Variants in SERINC5 observed in about 807,000 individuals in gnomAD.
SERINC5 encodes serine incorporator 5.
Under a neutral mutation model 63.1 loss-of-function variants are expected in SERINC5, and 41 were observed. The ratio of observed to expected loss-of-function variants is 0.65; its 90% CI spans 0.51 to 0.84. The LOEUF (loss-of-function observed/expected upper bound fraction) is 0.84. SERINC5 is among the 40% of genes least tolerant of loss of function. The pLI is 0.00. For missense variants in SERINC5, 523 were observed against 573.0 expected (o/e 0.91, Z 0.89); for synonymous variants, 222 against 215.2 (o/e 1.03, Z -0.28).
intron 2 of SERINC5, among the ~76,000 whole-genome samples, chr5:80,188,610 GC>G (rs1158149880): frequency 6.6e-6 from 1 of 152,074 alleles, no homozygotes; most frequent in Non-Finnish European, 1.5e-5. Flanking sequence ...TCTAGGCTGG[GC>G]CCAGTGGCCC....
chr5:80,220,233 G>A (rs77778907), intron 1 of SERINC5, among the ~76,000 whole-genome samples: 866 of 23,072 alleles, frequency 0.038, 8 homozygotes, highest in African/African-American at 0.1. Context: ...AAAAAAAAAA[G>A]AGAGAGAGAG....
At chr5:80,184,350 T>G (rs935142547) in intron 2 of SERINC5, among the ~76,000 whole-genome samples, 3 of 152,254 alleles carry the variant, frequency 2.0e-5, no homozygotes, top group South Asian at 2.1e-4. Flanking sequence ...TCTTTCACCT[T>G]TAGACCTTCT....
At chr5:80,118,210 AAAT>A (rs548785871) in intron 11 of SERINC5, among the ~76,000 whole-genome samples, 184 of 152,056 alleles carry the variant, frequency 1.2e-3, no homozygotes, top group African/African-American at 2.9e-3. Context: ...CTCAAAAAAA[AAAT>A]AATAATAATA....
intron 7 of SERINC5, among the ~76,000 whole-genome samples, chr5:80,163,104 C>T (rs891149435): frequency 6.6e-6 from 1 of 152,072 alleles, no homozygotes; most frequent in Non-Finnish European, 1.5e-5. Context: ...ATCCACCCAC[C>T]CTGCCCTCCC....
intron 11 of SERINC5, 102 bp from the exon 12 acceptor site, chr5:80,143,912 T>C: frequency 2.3e-6 from 3 of 1,329,500 alleles, no homozygotes; most frequent in East Asian, 5.0e-5. Context: ...CGGCTTTCAA[T>C]GTATTCATAC....
rs539945702 is a variant in SERINC5, at chr5:80,122,277, C to T, written c.1239-8652G>A. On this transcript the variant is annotated intron_variant, in intron 11 of 12. Coordinates refer to the SERINC5 transcript ENST00000509193. ...GTCCCACAATAGGCCATCTGCAGGC[C>T]GATCTGATGTCCAATGTTTGAGGGC... Among the ~76,000 whole-genome samples the T allele has an allele frequency of 1.3e-3, 200 of 151,004 alleles. 2 individuals carry two copies. The highest frequency in any genetic ancestry group is 1.8e-3 in the Non-Finnish European group (124 of 67,898).
At chr5:80,228,557 A>C (rs999392688) in intron 1 of SERINC5, among the ~76,000 whole-genome samples, 4 of 152,012 alleles carry the variant, frequency 2.6e-5, no homozygotes, top group African/African-American at 9.7e-5. Context: ...CTTGCCTCAA[A>C]TGATCCTCCT....
At chr5:80,164,493 C>A (rs981794433) in intron 7 of SERINC5, among the ~76,000 whole-genome samples, 1 of 152,026 alleles carries the variant, frequency 6.6e-6, no homozygotes, top group Non-Finnish European at 1.5e-5. Context: ...GTGATCCTCC[C>A]ACCTCAGCCT....
intron 5 of SERINC5, among the ~76,000 whole-genome samples, chr5:80,172,225 G>C (rs114245482): frequency 3.5e-3 from 531 of 152,234 alleles, no homozygotes; most frequent in African/African-American, 0.012. Context: ...AGCTACTTGA[G>C]TGGCTGAATC....
intron 1 of SERINC5, among the ~76,000 whole-genome samples, chr5:80,206,831 A>T (rs28682890): frequency 2.0e-3 from 180 of 91,426 alleles, no homozygotes; most frequent in East Asian, 4.2e-3. Context: ...TTTTTTTTTT[A>T]AGAGACAGAG....
intron 1 of SERINC5, among the ~76,000 whole-genome samples, chr5:80,218,130 C>A (rs1580181265): frequency 6.6e-6 from 1 of 152,204 alleles, no homozygotes; most frequent in Non-Finnish European, 1.5e-5. Flanking sequence ...CTCTGCTGAT[C>A]CTAGGAAGAA....
chr5:80,163,611 GATC>G (rs1490278606), intron 7 of SERINC5, among the ~76,000 whole-genome samples: 1 of 150,250 alleles, frequency 6.7e-6, no homozygotes, highest in Non-Finnish European at 1.5e-5. Flanking sequence ...CTATTGAAAT[GATC>G]ATATGGTTTT....
At chr5:80,225,971 C>A (rs2112551038) in intron 1 of SERINC5, among the ~76,000 whole-genome samples, 1 of 151,822 alleles carries the variant, frequency 6.6e-6, no homozygotes, top group Non-Finnish European at 1.5e-5. Context: ...CCTATCATTT[C>A]TTAAGTACTT....
intron 1 of SERINC5, among the ~76,000 whole-genome samples, chr5:80,209,009 G>A (rs540844990): frequency 6.6e-5 from 10 of 152,164 alleles, no homozygotes; most frequent in African/African-American, 1.7e-4. Context: ...GGTGGATCAC[G>A]CATGTAATCC....
intron 1 of SERINC5, among the ~76,000 whole-genome samples, chr5:80,228,625 T>A (rs1370392583): frequency 2.6e-5 from 4 of 152,014 alleles, no homozygotes; most frequent in Non-Finnish European, 4.4e-5. Context: ...CCTGCTAGTT[T>A]TTTTATTTTA....
chr5:80,139,256 T>A lies in SERINC5; in HGVS notation c.*4407A>T. 1 of 971,164 alleles carries A rather than the reference T, an allele frequency of 1.0e-6. No homozygotes were observed. Among genetic ancestry groups the A allele is most frequent in the Non-Finnish European group, 1.2e-6 (1 of 817,024 alleles). The allele number at this position is 971,164 out of a possible 1,614,324, so 60.2% of individuals were successfully genotyped here. On this transcript the variant is annotated 3_prime_UTR_variant, in exon 12 of 12. Transcript: ENST00000507668. ...TGCAAAGTAAAAAGGCTTAAATCTT[T>A]AATAAAGGAAAACAAAACAATCCTC...
At position 80,140,189 on chromosome 5, in the gene SERINC5, C is replaced by T; in HGVS notation, c.*3474G>A. 1 of 740,176 alleles carries T rather than the reference C, an allele frequency of 1.4e-6. No individual in the cohort carries two copies. 45.9% of individuals were successfully genotyped at this position (740,176 alleles called of 1,614,324 possible). A position where few individuals can be genotyped will look rare whatever the true frequency, so the allele number is the denominator to read the frequency against. ...TAAAAATCGGCCAGGTGTGATGGGGCAAACCTGTGGTCTCAGCTACTTGGG... is the reference window on the plus strand; with the variant it reads ...TAAAAATCGGCCAGGTGTGATGGGGTAAACCTGTGGTCTCAGCTACTTGGG... On this transcript the variant is annotated 3_prime_UTR_variant, in exon 12 of 12. Coordinates refer to ENST00000507668, the MANE Select transcript of SERINC5 (RefSeq NM_001174072.3).
At chr5:80,127,428 G>A (rs1744787065) in intron 11 of SERINC5, among the ~76,000 whole-genome samples, 1 of 152,172 alleles carries the variant, frequency 6.6e-6, no homozygotes, top group African/African-American at 2.4e-5. Context: ...TTAGAGCAAA[G>A]CTACCGGTAG....
chr5:80,255,969 A>G lies in SERINC5; in HGVS notation c.-47T>C, dbSNP rs1324521467. ...CGCGCTCGCTGGCTCCCCGCGCCGC[A>G]CGGGCCCTCCTGGCTGCCTCGCGCC... On this transcript the variant is annotated 5_prime_UTR_variant, in exon 1 of 12. Coordinates refer to ENST00000507668, the MANE Select transcript of SERINC5 (RefSeq NM_001174072.3). The G allele has an allele frequency of 6.7e-7, 1 of 1,497,174 alleles. No individual in the cohort carries two copies. Among genetic ancestry groups the G allele is most frequent in the Middle Eastern group, 2.1e-4 (1 of 4,660 alleles). 92.7% of individuals were successfully genotyped at this position (1,497,174 alleles called of 1,614,324 possible).
Sources: gnomAD v4.1 joint callset for allele counts (sites outside exome capture counted in the v4.1 genomes callset) on GRCh38, gnomAD v4.1.1 for gene constraint, MANE v1.5 for transcripts, NCBI Gene and HGNC (gene_info 2026-07-23, HGNC 2026-07-21) for gene names.